The following ADAMTS17 variants were observed in gnomAD, a reference collection of about 807,000 sequenced individuals.
ADAMTS17 encodes the protein A disintegrin and metalloproteinase with thrombospondin motifs 17.
ADAMTS17 carries 113 observed loss-of-function variants against 141.5 expected under a neutral mutation model. That is an observed-to-expected ratio of 0.80 (90% CI 0.69 to 0.93). The LOEUF is 0.93. Among genes scored for constraint, ADAMTS17 ranks in the 40% least tolerant of loss-of-function variants. The probability of loss-of-function intolerance (pLI) is 0.00; values close to 1 mark genes in which losing one functional copy is unlikely to be tolerated. For missense variants in ADAMTS17, 1,659 were observed against 1,517.9 expected (o/e 1.09, Z -1.54); for synonymous variants, 768 against 630.6 (o/e 1.22, Z -3.27).
At chr15:100,185,148 C>T (rs1156861102) in intron 8 of ADAMTS17, among the ~76,000 whole-genome samples, 1 of 151,978 alleles carries the variant, frequency 6.6e-6, no homozygotes, top group Non-Finnish European at 1.5e-5. Context: ...TACTTCAAAT[C>T]CTGATTCCAT....
At chr15:100,126,911 CAAT>C (rs1468218585) in intron 12 of ADAMTS17, among the ~76,000 whole-genome samples, 3 of 152,182 alleles carry the variant, frequency 2.0e-5, no homozygotes, top group Non-Finnish European at 4.4e-5. Flanking sequence ...TACATAACAA[CAAT>C]ATCAGCTGTT....
At chr15:100,189,660 C>T (rs1207707968) in intron 8 of ADAMTS17, among the ~76,000 whole-genome samples, 2 of 152,350 alleles carry the variant, frequency 1.3e-5, no homozygotes, top group South Asian at 2.1e-4. Flanking sequence ...CGTCAGCAGG[C>T]GTCTTGTCAC....
chr15:100,326,521 C>A (rs185188886), intron 3 of ADAMTS17, among the ~76,000 whole-genome samples: 9 of 152,306 alleles, frequency 5.9e-5, no homozygotes, highest in Non-Finnish European at 1.0e-4. Context: ...AAGGAGGAAA[C>A]AGCCAATTGT....
At chr15:100,218,743 T>A (rs2042042974) in intron 7 of ADAMTS17, among the ~76,000 whole-genome samples, 1 of 152,186 alleles carries the variant, frequency 6.6e-6, no homozygotes, top group Non-Finnish European at 1.5e-5. Flanking sequence ...ACGAAAGAAC[T>A]GAAAACGTGT....
At chr15:100,035,030 CG>C (rs2030564305) in intron 18 of ADAMTS17, among the ~76,000 whole-genome samples, 1 of 152,144 alleles carries the variant, frequency 6.6e-6, no homozygotes, top group Non-Finnish European at 1.5e-5. Flanking sequence ...CCCATCACCC[CG>C]GGGACCTAAG....
chr15:100,311,073 A>T (rs2141858297), intron 3 of ADAMTS17, among the ~76,000 whole-genome samples: 1 of 152,326 alleles, frequency 6.6e-6, no homozygotes. Context: ...AGAGGAAAAA[A>T]TGTAACCCGA....
chr15:100,341,105 C>T lies in ADAMTS17; in HGVS notation c.384G>A (p.Ser128=), dbSNP rs1045737756. 2 of 1,505,830 alleles carry T rather than the reference C, an allele frequency of 1.3e-6. No homozygotes were observed. The highest frequency in any genetic ancestry group is 1.8e-6 in the Non-Finnish European group (2 of 1,134,020). The allele number at this position is 1,505,830 out of a possible 1,614,324, so 93.3% of individuals were successfully genotyped here. A position where few individuals can be genotyped will look rare whatever the true frequency, so the allele number is the denominator to read the frequency against. Residue 128 remains serine, a synonymous_variant, in exon 2 of 22, where the codon TCG becomes TCA. Coordinates refer to ENST00000268070, the MANE Select transcript of ADAMTS17 (RefSeq NM_139057.4). ...RGRPAELCFY[S]GRVLGHPGSL... is the part of the protein sequence containing the mutation. Reference sequence around the variant, plus strand: ...AGCCGGGGTGGCCGAGCACACGGCCCGAGTAGAAGCACAGCTCGGCGGGGC... The same window carrying T: ...AGCCGGGGTGGCCGAGCACACGGCCTGAGTAGAAGCACAGCTCGGCGGGGC...
Position 100,341,446 on chromosome 15 carries a change from C to T in ADAMTS17, c.80-37G>A. 3 of 1,010,138 alleles carry T rather than the reference C, an allele frequency of 3.0e-6. 1 individual carries two copies. Among genetic ancestry groups the T allele is most frequent in the Non-Finnish European group, 3.5e-6 (3 of 847,816 alleles). The allele number at this position is 1,010,138 out of a possible 1,614,324, so 62.6% of individuals were successfully genotyped here. A position where few individuals can be genotyped will look rare whatever the true frequency, so the allele number is the denominator to read the frequency against. Reference sequence around the variant, plus strand: ...GAGGAGACGCGTCAGCGCGGCGGGGCCCGCCCGGACGCCCGCCCTCCCGCT... The same window carrying T: ...GAGGAGACGCGTCAGCGCGGCGGGGTCCGCCCGGACGCCCGCCCTCCCGCT... On this transcript the variant is annotated intron_variant, in intron 1 of 21. Transcript: ENST00000268070.
chr15:100,109,353 A>G (rs1035823386), intron 13 of ADAMTS17, among the ~76,000 whole-genome samples: 1 of 152,124 alleles, frequency 6.6e-6, no homozygotes, highest in Non-Finnish European at 1.5e-5. Context: ...ATCCTTTGCA[A>G]TGATACAGGA....
chr15:100,337,573 G>C (rs894111969), intron 2 of ADAMTS17, among the ~76,000 whole-genome samples: 22 of 152,230 alleles, frequency 1.4e-4, no homozygotes, highest in African/African-American at 5.1e-4. Flanking sequence ...TTGGTGGTCT[G>C]TCTGGTCCCA....
intron 19 of ADAMTS17, among the ~76,000 whole-genome samples, chr15:99,994,701 G>A (rs536105455): frequency 6.6e-6 from 1 of 152,218 alleles, no homozygotes; most frequent in African/African-American, 2.4e-5. Flanking sequence ...TGAGTAGCTG[G>A]GATTACAGGC....
chr15:100,063,477 G>A (rs192294236), intron 15 of ADAMTS17: 244 of 358,158 alleles, frequency 6.8e-4, no homozygotes, highest in East Asian at 6.7e-3. Context: ...TCCTGTTCCC[G>A]CCCCTAATCC....
rs748463059 is a variant in ADAMTS17 at position 100,330,874 on chromosome 15, G to A, written c.616+15C>T. On this transcript the variant is annotated intron_variant, in intron 3 of 21. Coordinates refer to ENST00000268070, the MANE Select transcript of ADAMTS17 (RefSeq NM_139057.4). Reference sequence around the variant, plus strand: ...GCGTGTGTTCTAAGCTGGTCATGCTGCTGCCCCGACTCACCTGTTAGAACC... The same window carrying A: ...GCGTGTGTTCTAAGCTGGTCATGCTACTGCCCCGACTCACCTGTTAGAACC... The A allele has an allele frequency of 3.7e-6, 6 of 1,613,696 alleles. No homozygotes were observed. In the East Asian group the frequency reaches 1.3e-4, roughly 36 times the overall value.
chr15:100,331,110 A>C (rs2046040308), intron 2 of ADAMTS17, 56 bp from the exon 3 acceptor site: 1 of 1,608,114 alleles, frequency 6.2e-7, no homozygotes, highest in South Asian at 1.1e-5. Flanking sequence ...ACACACGCCC[A>C]TGGCCCCCCG....
chr15:100,229,614 C>G (rs1249798248), intron 7 of ADAMTS17, among the ~76,000 whole-genome samples: 1 of 152,162 alleles, frequency 6.6e-6, no homozygotes, highest in Admixed American at 6.5e-5. Flanking sequence ...AAAGGATCCA[C>G]CCTCTGTTGA....
intron 12 of ADAMTS17, among the ~76,000 whole-genome samples, chr15:100,128,036 T>G (rs143073579): frequency 6.6e-6 from 1 of 151,980 alleles, no homozygotes; most frequent in Non-Finnish European, 1.5e-5. Flanking sequence ...TGACCAGACA[T>G]GGAGGAGGCA....
chr15:100,282,200 C>T (rs1228083662), intron 3 of ADAMTS17, among the ~76,000 whole-genome samples: 7 of 152,140 alleles, frequency 4.6e-5, no homozygotes, highest in East Asian at 1.9e-4. Flanking sequence ...TTTCAGAATC[C>T]GAATATAAAC....
rs1305690896 is a variant in ADAMTS17 at position 99,974,114 on chromosome 15, C to A, written c.*288G>T. 3 of 498,246 alleles carry A rather than the reference C, an allele frequency of 6.0e-6. No homozygotes were observed. The highest frequency in any genetic ancestry group is 4.1e-5 in the South Asian group (2 of 48,426). 30.9% of individuals were successfully genotyped at this position (498,246 alleles called of 1,614,324 possible). The stretch of plus-strand genomic sequence containing the variant: ...ACACTAAATGATGTCTCTCTCTTGA[C>A]GGTTGTCTGCCAGAGGTGCTTCCCT... On this transcript the variant is annotated 3_prime_UTR_variant, in exon 22 of 22. Coordinates refer to ENST00000268070, the MANE Select transcript of ADAMTS17 (RefSeq NM_139057.4).
chr15:100,024,587 A>G (rs1360257794), intron 18 of ADAMTS17, among the ~76,000 whole-genome samples: 2 of 152,180 alleles, frequency 1.3e-5, no homozygotes, highest in Non-Finnish European at 2.9e-5. Context: ...GGATCTCATT[A>G]CACTATGACC....
Sources: gnomAD v4.1 joint callset for allele counts (sites outside exome capture counted in the v4.1 genomes callset) on GRCh38, gnomAD v4.1.1 for gene constraint, MANE v1.5 for transcripts, NCBI Gene and HGNC (gene_info 2026-07-23, HGNC 2026-07-21) for gene names.